Variants in GARIN5A observed in about 807,000 individuals in gnomAD.
GARIN5A encodes the protein Golgi-associated RAB2 interactor protein 5A.
chr19:50,468,922 C>G, the GARIN5A span, among the ~76,000 whole-genome samples: 1 of 152,138 alleles, frequency 6.6e-6, no homozygotes, highest in Non-Finnish European at 1.5e-5. Context: ...AATGTATCCA[C>G]AATCCAAACT....
chr19:50,468,232 G>A, the GARIN5A span, among the ~76,000 whole-genome samples: 1 of 151,784 alleles, frequency 6.6e-6, no homozygotes, highest in Non-Finnish European at 1.5e-5. Context: ...CGTGGTAGTG[G>A]GTACCTATAA....
At chr19:50,476,563 G>T in the GARIN5A span, 1 of 1,574,858 alleles carries the variant, frequency 6.3e-7, no homozygotes, top group Non-Finnish European at 8.6e-7. Flanking sequence ...AGCCAGCGCT[G>T]GGGCAACCCG....
At chr19:50,474,582 T>C in the GARIN5A span, among the ~76,000 whole-genome samples, 2 of 152,078 alleles carry the variant, frequency 1.3e-5, no homozygotes, top group East Asian at 3.9e-4. Flanking sequence ...CTTGACCTCG[T>C]GATCCACCCA....
chr19:50,475,550 T>C, the GARIN5A span: 3 of 1,198,276 alleles, frequency 2.5e-6, no homozygotes, highest in South Asian at 1.5e-5. Flanking sequence ...GAAAAGGTCA[T>C]GAACCAGGTG....
the GARIN5A span, among the ~76,000 whole-genome samples, chr19:50,471,751 TGC>T: frequency 2.7e-4 from 37 of 138,856 alleles, 2 homozygotes; most frequent in African/African-American, 9.3e-4. Flanking sequence ...TACGCATACA[TGC>T]ATGTGTATAC....
chr19:50,476,074 C>G, the GARIN5A span: 1 of 1,609,574 alleles, frequency 6.2e-7, no homozygotes. Flanking sequence ...CCGGCCCCAT[C>G]CTACTTGGTT....
At chr19:50,472,191 T>TGTATACGTATGTATAC in the GARIN5A span, among the ~76,000 whole-genome samples, 9,270 of 145,442 alleles carry the variant, frequency 0.064, 604 homozygotes, top group African/African-American at 0.12. Context: ...TGTATACATG[T>TGTATACGTATGTATAC]ATGTGTGCAT....
chr19:50,472,020 ATATG>A, the GARIN5A span, among the ~76,000 whole-genome samples: 4 of 144,190 alleles, frequency 2.8e-5, no homozygotes, highest in East Asian at 3.9e-4. Context: ...ATACGTGTGT[ATATG>A]TATATGTACG....
At chr19:50,475,516 C>A in the GARIN5A span, 1 of 1,489,460 alleles carries the variant, frequency 6.7e-7, no homozygotes, top group Non-Finnish European at 9.1e-7. Context: ...GAGGAGGGAT[C>A]AGAGGTTAGG....
chr19:50,475,625 A>C, the GARIN5A span: 1 of 728,068 alleles, frequency 1.4e-6, no homozygotes, highest in East Asian at 2.7e-5. Flanking sequence ...ATGGGTGTGA[A>C]GTCAGGGAAA....
the GARIN5A span, chr19:50,475,351 C>T: frequency 6.2e-7 from 1 of 1,604,122 alleles, no homozygotes; most frequent in Non-Finnish European, 8.5e-7. Context: ...GTCCGTTCTC[C>T]TTGGCAGGGC....
chr19:50,467,455 G>A, the GARIN5A span: 4 of 760,724 alleles, frequency 5.3e-6, no homozygotes, highest in South Asian at 3.6e-5. Context: ...CTCAGACCCA[G>A]GAGTCCAGGA....
the GARIN5A span, among the ~76,000 whole-genome samples, chr19:50,472,632 C>G: frequency 2.0e-5 from 3 of 152,138 alleles, no homozygotes; most frequent in African/African-American, 7.2e-5. Context: ...AGGTGGGTCA[C>G]ACGTATAGTC....
the GARIN5A span, chr19:50,476,058 G>T: frequency 1.9e-6 from 3 of 1,607,204 alleles, no homozygotes; most frequent in South Asian, 3.3e-5. Flanking sequence ...AGATGCCCCC[G>T]AATTGCCGGC....
At chr19:50,474,863 G>A in the GARIN5A span, among the ~76,000 whole-genome samples, 1 of 152,150 alleles carries the variant, frequency 6.6e-6, no homozygotes, top group Non-Finnish European at 1.5e-5. Flanking sequence ...CAAGAACCAT[G>A]AGATCCACAA....
chr19:50,468,950 C>T, the GARIN5A span, among the ~76,000 whole-genome samples: 86 of 152,216 alleles, frequency 5.6e-4, 1 homozygote, highest in Non-Finnish European at 9.7e-4. Context: ...CTCCCTCCTC[C>T]GCCACCCTTG....
chr19:50,472,190 GTATGTGTGCA>G, the GARIN5A span, among the ~76,000 whole-genome samples: 3 of 130,692 alleles, frequency 2.3e-5, no homozygotes, highest in Admixed American at 1.4e-4. Flanking sequence ...ATGTATACAT[GTATGTGTGCA>G]TGTATATACA....
the GARIN5A span, among the ~76,000 whole-genome samples, chr19:50,473,812 C>A: frequency 6.6e-6 from 1 of 152,214 alleles, no homozygotes; most frequent in Non-Finnish European, 1.5e-5. Context: ...CATGGTGAAA[C>A]CCCGTCTCTA....
chr19:50,469,500 T>C, the GARIN5A span, among the ~76,000 whole-genome samples: 1 of 152,314 alleles, frequency 6.6e-6, no homozygotes, highest in Middle Eastern at 3.4e-3. Context: ...GGAGGCCTGC[T>C]TTGTCCAGTG....
Sources: allele counts gnomAD v4.1 joint callset (sites outside exome capture counted in the v4.1 genomes callset), GRCh38; gene constraint gnomAD v4.1.1; transcripts MANE v1.5; gene names NCBI Gene and HGNC (gene_info 2026-07-23, HGNC 2026-07-21).